The following GRIN2A variants were observed in gnomAD, a reference collection of about 807,000 sequenced individuals.
The protein encoded by GRIN2A is glutamate ionotropic receptor NMDA type subunit 2A, also known as glutamate receptor ionotropic, NMDA 2A.
GRIN2A carries 22 observed loss-of-function variants against 113.4 expected under a neutral mutation model. The ratio of observed to expected loss-of-function variants is 0.19; its 90% CI spans 0.14 to 0.28. The LOEUF is 0.28. Ranked by LOEUF, GRIN2A falls within the 10% of genes least tolerant of loss-of-function variation. The pLI is 1.00. For missense variants in GRIN2A, 1,502 were observed against 1,887.0 expected (o/e 0.80, Z 3.78); for synonymous variants, 827 against 738.4 (o/e 1.12, Z -1.94).
In GRIN2A at chr16:9,757,371, TTTA is replaced by T; in HGVS notation, c.*5775_*5777del. Reference sequence around the variant, plus strand: ...TTTAGGGAAGGACTTTTTTTTTTTTTTTAAAAAAGGTATGCTCATAGAATCAGA... The same window carrying T: ...TTTAGGGAAGGACTTTTTTTTTTTTTAAAAAGGTATGCTCATAGAATCAGA... On this transcript the variant is annotated 3_prime_UTR_variant, in exon 13 of 13. Coordinates refer to ENST00000330684, the MANE Select transcript of GRIN2A (RefSeq NM_001134407.3). The T allele has an allele frequency of 4.4e-6, 1 of 226,024 alleles. No individual in the cohort carries two copies. The highest frequency in any genetic ancestry group is 8.8e-6 in the Non-Finnish European group (1 of 113,722). The allele number at this position is 226,024 out of a possible 1,614,324, so 14.0% of individuals were successfully genotyped here. A position where few individuals can be genotyped will look rare whatever the true frequency, so the allele number is the denominator to read the frequency against.
intron 8 of GRIN2A, among the ~76,000 whole-genome samples, chr16:9,830,005 G>A (rs573280298): frequency 6.6e-6 from 1 of 152,320 alleles, no homozygotes; most frequent in Non-Finnish European, 1.5e-5. Context: ...CATAAAGAGA[G>A]CCTGACAAAA....
chr16:10,030,957 C>T lies in GRIN2A; in HGVS notation c.415-92406G>A, dbSNP rs570732711. On this transcript the variant is annotated intron_variant, in intron 2 of 12. Transcript: ENST00000330684. ...AAGCTTCTTTGGTATGTCTCATGCA[C>T]CATCTAGGGGGTAGGCTCTGCCATA... Among the ~76,000 whole-genome samples the T allele has an allele frequency of 2.0e-5, 3 of 152,232 alleles. No individual in the cohort carries two copies. The East Asian group carries it at 5.8e-4, about 29-fold the overall frequency.
intron 4 of GRIN2A, among the ~76,000 whole-genome samples, chr16:9,863,028 T>C (rs1193166668): frequency 6.6e-6 from 1 of 152,204 alleles, no homozygotes. Context: ...TCGTTTTGTA[T>C]GTTGGCAAAC....
At chr16:9,806,880 T>C (rs2041979852) in intron 10 of GRIN2A, among the ~76,000 whole-genome samples, 1 of 152,022 alleles carries the variant, frequency 6.6e-6, no homozygotes, top group African/African-American at 2.4e-5. Context: ...GAATTGTAGC[T>C]CTCATAATTC....
chr16:10,092,903 A>G (rs1174153975), intron 2 of GRIN2A, among the ~76,000 whole-genome samples: 1 of 150,688 alleles, frequency 6.6e-6, no homozygotes, highest in East Asian at 1.9e-4. Context: ...CAATGCCACA[A>G]TCTTGGCTCA....
chr16:10,032,407 C>A (rs946501817), intron 2 of GRIN2A, among the ~76,000 whole-genome samples: 4 of 152,112 alleles, frequency 2.6e-5, no homozygotes, highest in African/African-American at 4.8e-5. Context: ...TAATTTGATA[C>A]CTTCCACAGA....
At chr16:9,773,231 A>T (rs1901391192) in intron 11 of GRIN2A, among the ~76,000 whole-genome samples, 1 of 152,214 alleles carries the variant, frequency 6.6e-6, no homozygotes, top group Non-Finnish European at 1.5e-5. Flanking sequence ...ACTGGGCAGC[A>T]TTGCAGAAGT....
intron 4 of GRIN2A, among the ~76,000 whole-genome samples, chr16:9,864,404 G>C (rs1398486784): frequency 6.6e-6 from 1 of 151,722 alleles, no homozygotes; most frequent in African/African-American, 2.4e-5. Context: ...CATGACTATA[G>C]ATATGACTTC....
chr16:10,040,065 T>TCCACACCACACACAAATACACAAC (rs1567254499), intron 2 of GRIN2A, among the ~76,000 whole-genome samples: 1 of 3,452 alleles, frequency 2.9e-4, no homozygotes, highest in African/African-American at 1.1e-3. Flanking sequence ...ATAAATACAC[T>TCCACACCACACACAAATACACAAC]ACACACATCC....
At chr16:9,800,798 G>A (rs1241724613) in intron 10 of GRIN2A, among the ~76,000 whole-genome samples, 1 of 152,150 alleles carries the variant, frequency 6.6e-6, no homozygotes, top group African/African-American at 2.4e-5. Flanking sequence ...ACCTAGAGCT[G>A]TCATACGTAA....
chr16:10,089,740 G>T (rs780972695), intron 2 of GRIN2A, among the ~76,000 whole-genome samples: 190 of 152,046 alleles, frequency 1.2e-3, no homozygotes, highest in Non-Finnish European at 2.1e-3. Context: ...AGGTCTAAAC[G>T]GGAAACTATA....
At position 10,029,441 on chromosome 16, in the gene GRIN2A, G is replaced by A. The variant is rs978653862; in HGVS notation, c.415-90890C>T. On this transcript the variant is annotated intron_variant, in intron 2 of 12. Coordinates refer to ENST00000330684, the MANE Select transcript of GRIN2A (RefSeq NM_001134407.3). ...ACCCCTTAGGTCAGGTGATCCTCCC[G>A]CCTCGGCCTCCCGAAGTGCTGGGAT... 5.9e-5 allele frequency among the ~76,000 whole-genome samples: 9 copies of A among 152,188 alleles called. No homozygotes were observed. In the East Asian group the frequency reaches 9.7e-4, roughly 16 times the overall value.
chr16:10,126,634 C>T (rs937671619), intron 2 of GRIN2A, among the ~76,000 whole-genome samples: 8 of 152,122 alleles, frequency 5.3e-5, no homozygotes, highest in South Asian at 4.2e-4. Context: ...CATCTTTGTG[C>T]GTTAAAGATA....
At chr16:10,047,712 G>A (rs1261174828) in intron 2 of GRIN2A, among the ~76,000 whole-genome samples, 1 of 152,176 alleles carries the variant, frequency 6.6e-6, no homozygotes, top group Non-Finnish European at 1.5e-5. Flanking sequence ...CATGCATGGT[G>A]GGTCAGAAGT....
chr16:9,871,044 G>C (rs895842820), intron 4 of GRIN2A, among the ~76,000 whole-genome samples: 10 of 151,998 alleles, frequency 6.6e-5, no homozygotes, highest in Non-Finnish European at 7.4e-5. Flanking sequence ...CTGCTCATTC[G>C]TGACTTTCCA....
At chr16:9,870,690 T>G (rs987742829) in intron 4 of GRIN2A, among the ~76,000 whole-genome samples, 3 of 151,024 alleles carry the variant, frequency 2.0e-5, no homozygotes, top group African/African-American at 4.9e-5. Context: ...CAAGGTGGAG[T>G]GCAGTGGCAT....
At chr16:9,882,263 A>G (rs2043495834) in intron 4 of GRIN2A, among the ~76,000 whole-genome samples, 1 of 152,198 alleles carries the variant, frequency 6.6e-6, no homozygotes. Context: ...TCATGTAATA[A>G]TTGCACCCCA....
At chr16:9,830,120 G>T (rs1456351709) in intron 8 of GRIN2A, among the ~76,000 whole-genome samples, 1 of 152,184 alleles carries the variant, frequency 6.6e-6, no homozygotes, top group Admixed American at 6.5e-5. Flanking sequence ...ATTGTCCCTA[G>T]CAATTGCTCC....
chr16:10,174,691 C>A (rs1736540389), intron 2 of GRIN2A, among the ~76,000 whole-genome samples: 1 of 152,044 alleles, frequency 6.6e-6, no homozygotes, highest in African/African-American at 2.4e-5. Context: ...TTGTTGAAAT[C>A]TATAACTCAA....
Sources: allele counts gnomAD v4.1 joint callset (sites outside exome capture counted in the v4.1 genomes callset), GRCh38; gene constraint gnomAD v4.1.1; transcripts MANE v1.5; gene names NCBI Gene and HGNC (gene_info 2026-07-23, HGNC 2026-07-21).